TNIK: variants seen among roughly 807,000 people sequenced by gnomAD.
TNIK encodes the protein TRAF2 and NCK interacting kinase.
In TNIK, 49 loss-of-function variants were observed where a neutral mutation model predicts 191.3. That is an observed-to-expected ratio of 0.26 (90% CI 0.20 to 0.32). The LOEUF is 0.32. Among genes scored for constraint, TNIK ranks in the 10% least tolerant of loss-of-function variants. The pLI, the probability that TNIK is intolerant of heterozygous loss-of-function variation, is 1.00. For synonymous variants in TNIK, 594 were observed against 600.9 expected (o/e 0.99, Z 0.17); for missense variants, 1,155 against 1,702.3 (o/e 0.68, Z 5.66).
rs1751547504 is a variant in TNIK at position 171,290,368 on chromosome 3, T to A, written c.124-62147A>T. On this transcript the variant is annotated intron_variant, in intron 2 of 32. Coordinates refer to ENST00000436636, the MANE Select transcript of TNIK (RefSeq NM_015028.4). ...CACCATCATTAACTACAGAGAGGGTTATTTGATCTAAGACAAATTACTTAC... is the reference window on the plus strand; with the variant it reads ...CACCATCATTAACTACAGAGAGGGTAATTTGATCTAAGACAAATTACTTAC... Among the ~76,000 whole-genome samples the A allele has an allele frequency of 2.0e-5, 3 of 152,338 alleles. No individual in the cohort carries two copies. In the South Asian group the frequency reaches 6.2e-4, roughly 32 times the overall value.
intron 18 of TNIK, among the ~76,000 whole-genome samples, chr3:171,119,470 T>A (rs1727313223): frequency 6.6e-6 from 1 of 152,216 alleles, no homozygotes; most frequent in African/African-American, 2.4e-5. Flanking sequence ...TAAATCATGC[T>A]GCTATAAAGC....
intron 2 of TNIK, among the ~76,000 whole-genome samples, chr3:171,278,507 TAAAG>T (rs750325024): frequency 4.6e-5 from 7 of 152,020 alleles, no homozygotes; most frequent in East Asian, 1.9e-4. Context: ...TTTAAAAACA[TAAAG>T]AAACCAAAAA....
intron 7 of TNIK, among the ~76,000 whole-genome samples, chr3:171,180,399 A>G (rs1392201601): frequency 6.6e-6 from 1 of 151,852 alleles, no homozygotes. Flanking sequence ...ATGTTTATTC[A>G]TCACTAATTT....
chr3:171,198,250 C>A (rs1403511120), intron 4 of TNIK, among the ~76,000 whole-genome samples: 4 of 128,948 alleles, frequency 3.1e-5, no homozygotes, highest in African/African-American at 1.2e-4. Flanking sequence ...GTGACAGAGC[C>A]AGACTCCGTC....
At chr3:171,439,379 A>C (rs552064604) in intron 1 of TNIK, 1 of 152,054 alleles carries the variant, frequency 6.6e-6, no homozygotes, top group South Asian at 2.1e-4. Context: ...AAATTGGACC[A>C]AACTAGGTTC....
intron 7 of TNIK, among the ~76,000 whole-genome samples, chr3:171,177,844 T>C (rs1411954930): frequency 6.6e-6 from 1 of 152,220 alleles, no homozygotes; most frequent in Non-Finnish European, 1.5e-5. Flanking sequence ...GCCTCCTTCC[T>C]TTCCTGCCTG....
intron 1 of TNIK, among the ~76,000 whole-genome samples, chr3:171,456,169 G>A (rs905784336): frequency 1.3e-5 from 2 of 152,166 alleles, no homozygotes; most frequent in Non-Finnish European, 2.9e-5. Context: ...CCAACTCCTG[G>A]CCTTGAATGC....
At chr3:171,085,316 G>A (rs994168597) in intron 24 of TNIK, 87 bp from the exon 25 acceptor site, 10 of 1,252,262 alleles carry the variant, frequency 8.0e-6, no homozygotes, top group African/African-American at 7.5e-5. Flanking sequence ...GCTGTAAAAC[G>A]ATCACAGATT....
chr3:171,315,540 TG>T, intron 2 of TNIK, among the ~76,000 whole-genome samples: 1 of 152,214 alleles, frequency 6.6e-6, no homozygotes, highest in East Asian at 1.9e-4. Flanking sequence ...TACCACAAAC[TG>T]GGCGGCCTAA....
At chr3:171,266,891 C>T (rs1368646273) in intron 2 of TNIK, among the ~76,000 whole-genome samples, 1 of 152,196 alleles carries the variant, frequency 6.6e-6, no homozygotes, top group South Asian at 2.1e-4. Flanking sequence ...ACTATTTTCA[C>T]TCAGAGTCTG....
chr3:171,411,790 G>A (rs564317579), intron 1 of TNIK, among the ~76,000 whole-genome samples: 4 of 152,258 alleles, frequency 2.6e-5, no homozygotes, highest in South Asian at 2.1e-4. Flanking sequence ...CATAGCTCCC[G>A]GAAAGCCCCA....
At chr3:171,112,800 T>TTGTC (rs143951795) in intron 18 of TNIK, among the ~76,000 whole-genome samples, 4,721 of 152,252 alleles carry the variant, frequency 0.031, 164 homozygotes, top group African/African-American at 0.079. Flanking sequence ...GCTTCATTAA[T>TTGTC]TGTCTATTAT....
chr3:171,414,623 G>A (rs1421108489), intron 1 of TNIK, among the ~76,000 whole-genome samples: 1 of 152,164 alleles, frequency 6.6e-6, no homozygotes, highest in Admixed American at 6.5e-5. Flanking sequence ...CTTTCCCACA[G>A]GCCAGTTCAT....
At chr3:171,424,895 A>G (rs1429339315) in intron 1 of TNIK, among the ~76,000 whole-genome samples, 1 of 151,604 alleles carries the variant, frequency 6.6e-6, no homozygotes, top group East Asian at 2.0e-4. Context: ...ATGACAAGTT[A>G]ATGGGTGCAG....
intron 4 of TNIK, among the ~76,000 whole-genome samples, chr3:171,204,646 T>C (rs147523995): frequency 6.6e-6 from 1 of 152,352 alleles, no homozygotes. Flanking sequence ...TTTCAAAATG[T>C]ATTTCTTAGA....
chr3:171,138,330 T>C lies in TNIK; in HGVS notation c.1469A>G (p.Gln490Arg). The change falls in exon 15 of 33, where the codon CAG becomes CGG. Residue 490 changes from glutamine to arginine, a missense_variant. By Grantham distance (43) the Gln-to-Arg change is conservative (BLOSUM62 1). This residue lies in a region of TNIK where 735 missense variants were observed against 848.0 expected (regional missense o/e 0.87). Transcript: ENST00000436636. The stretch of plus-strand genomic sequence containing the variant: ...GTCTCTTTCTTGCTTTAGCTGCCTC[T>C]GCAGTCTTTCTGCTTGTCTCTGTTC... ...LEEQRQAERLQRQLKQERDYL... is the reference protein window; with the variant it reads ...LEEQRQAERLRRQLKQERDYL... 1 of 1,612,498 alleles carries C rather than the reference T, an allele frequency of 6.2e-7. No individual in the cohort carries two copies. Among genetic ancestry groups the C allele is most frequent in the Non-Finnish European group, 8.5e-7 (1 of 1,179,408 alleles).
chr3:171,283,818 G>A (rs1349707197), intron 2 of TNIK, among the ~76,000 whole-genome samples: 2 of 152,140 alleles, frequency 1.3e-5, no homozygotes, highest in East Asian at 1.9e-4. Context: ...GCGCTGCATG[G>A]GAATACAAGC....
At chr3:171,116,953 T>C (rs1576867399) in intron 18 of TNIK, among the ~76,000 whole-genome samples, 1 of 152,204 alleles carries the variant, frequency 6.6e-6, no homozygotes, top group East Asian at 1.9e-4. Flanking sequence ...CAGCTACATA[T>C]GCATGAGAAG....
chr3:171,105,365 G>A (rs531533791), intron 21 of TNIK, among the ~76,000 whole-genome samples: 4 of 152,312 alleles, frequency 2.6e-5, no homozygotes, highest in African/African-American at 9.6e-5. Flanking sequence ...CAAGATGCCA[G>A]TACCACTGCC....
Sources: gnomAD v4.1 joint callset for allele counts (sites outside exome capture counted in the v4.1 genomes callset) on GRCh38, gnomAD v4.1.1 for gene constraint, gnomAD v4.1.1 regional missense constraint, MANE v1.5 for transcripts, NCBI Gene and HGNC (gene_info 2026-07-23, HGNC 2026-07-21) for gene names.